LRP1B: variants seen among roughly 807,000 people sequenced by gnomAD.
The protein encoded by LRP1B is low-density lipoprotein receptor-related protein 1B.
LRP1B carries 217 observed loss-of-function variants against 556.6 expected under a neutral mutation model. The ratio of observed to expected loss-of-function variants is 0.39; its 90% CI spans 0.35 to 0.44. The LOEUF (loss-of-function observed/expected upper bound fraction) is 0.44, where lower values mean the gene tolerates loss of function less well. Ranked by LOEUF, LRP1B falls within the 20% of genes least tolerant of loss-of-function variation. LRP1B has a pLI of 1.00. For synonymous variants in LRP1B, 2,047 were observed against 1,865.8 expected (o/e 1.10, Z -2.50); for missense variants, 5,053 against 5,620.8 (o/e 0.90, Z 3.23).
chr2:140,277,511 C>G (rs1016967464), intron 84 of LRP1B, among the ~76,000 whole-genome samples: 1 of 151,878 alleles, frequency 6.6e-6, no homozygotes, highest in Non-Finnish European at 1.5e-5. Flanking sequence ...CGCTTGAACC[C>G]AGGAGGCAGA....
intron 2 of LRP1B, among the ~76,000 whole-genome samples, chr2:141,547,483 G>A (rs1454412350): frequency 6.6e-6 from 1 of 152,118 alleles, no homozygotes; most frequent in African/African-American, 2.4e-5. Flanking sequence ...CCAACCCAGT[G>A]ATGTCCTAAT....
chr2:140,273,174 C>T (rs1257892605), intron 85 of LRP1B, among the ~76,000 whole-genome samples: 3 of 151,858 alleles, frequency 2.0e-5, no homozygotes, highest in African/African-American at 7.2e-5. Context: ...CCCATGATCT[C>T]TGGGGTAAGT....
At chr2:141,225,974 C>T (rs1306325016) in intron 6 of LRP1B, among the ~76,000 whole-genome samples, 1 of 151,992 alleles carries the variant, frequency 6.6e-6, no homozygotes, top group Non-Finnish European at 1.5e-5. Flanking sequence ...ATTCGTAGAC[C>T]TAATCATTTT....
intron 43 of LRP1B, among the ~76,000 whole-genome samples, chr2:140,555,830 T>C (rs1022494192): frequency 6.6e-6 from 1 of 152,232 alleles, no homozygotes; most frequent in South Asian, 2.1e-4. Flanking sequence ...TCCAATTTAT[T>C]TTTTGCTGGC....
At chr2:141,621,980 C>T (rs1688520739) in intron 2 of LRP1B, among the ~76,000 whole-genome samples, 2 of 152,146 alleles carry the variant, frequency 1.3e-5, no homozygotes, top group South Asian at 4.1e-4. Context: ...CAACCTCTGC[C>T]TCCCAGGTTC....
Position 141,529,543 on chromosome 2 carries a change from A to G in LRP1B, c.206-49010T>C, listed in dbSNP as rs1049261899. Among the ~76,000 whole-genome samples the G allele has an allele frequency of 2.6e-5, 4 of 152,184 alleles. No individual in the cohort carries two copies. The South Asian group carries it at 6.2e-4, about 24-fold the overall frequency. The stretch of plus-strand genomic sequence containing the variant: ...CACCTTGAACAACCTTAGAAATGAG[A>G]TAATTCTTATTCTATCCTTCAGATA... On this transcript the variant is annotated intron_variant, in intron 2 of 90. Transcript: ENST00000389484.
chr2:141,419,480 C>T (rs2104960277), intron 3 of LRP1B, among the ~76,000 whole-genome samples: 1 of 152,206 alleles, frequency 6.6e-6, no homozygotes, highest in Admixed American at 6.5e-5. Context: ...TTCAGACTTT[C>T]TATTTCTTCT....
chr2:140,552,756 G>C (rs907322559), intron 43 of LRP1B, among the ~76,000 whole-genome samples: 1 of 151,950 alleles, frequency 6.6e-6, no homozygotes, highest in African/African-American at 2.4e-5. Context: ...CCTAGAAATG[G>C]GTTCATGTTT....
intron 76 of LRP1B, 84 bp downstream of exon 76, chr2:140,352,869 T>A: frequency 7.5e-7 from 1 of 1,334,836 alleles, no homozygotes; most frequent in Non-Finnish European, 1.0e-6. Context: ...AAGCTGTTGC[T>A]GGAATGAAAT....
At chr2:142,119,855 A>G (rs1367366491) in intron 1 of LRP1B, among the ~76,000 whole-genome samples, 1 of 152,140 alleles carries the variant, frequency 6.6e-6, no homozygotes, top group Non-Finnish European at 1.5e-5. Flanking sequence ...CCAAAGTTGT[A>G]CAATTGCTAG....
chr2:140,359,989 A>G (rs1430893517), intron 72 of LRP1B, among the ~76,000 whole-genome samples: 1 of 151,600 alleles, frequency 6.6e-6, no homozygotes, highest in South Asian at 2.1e-4. Flanking sequence ...TCTTCTAGCC[A>G]TCTCACCAGT....
At position 141,028,393 on chromosome 2, in the gene LRP1B, A is replaced by G. The variant is rs1231827625; in HGVS notation, c.1790-8291T>C. On this transcript the variant is annotated intron_variant, in intron 11 of 90. Transcript: ENST00000389484. The stretch of plus-strand genomic sequence containing the variant: ...AAGAATCTAAAGCTGTGCAAAAAAA[A>G]ATGAGATGTTGATTCAGAAAGACTA... 3.3e-5 allele frequency among the ~76,000 whole-genome samples: 5 copies of G among 151,900 alleles called. No individual in the cohort carries two copies. In the South Asian group the frequency reaches 6.2e-4, roughly 19 times the overall value.
chr2:141,683,287 A>T (rs1017741741), intron 2 of LRP1B, among the ~76,000 whole-genome samples: 2 of 152,164 alleles, frequency 1.3e-5, no homozygotes, highest in Non-Finnish European at 2.9e-5. Context: ...TGTTAGTAGA[A>T]ATCTGAATGT....
intron 1 of LRP1B, among the ~76,000 whole-genome samples, chr2:141,935,865 A>C (rs1185993543): frequency 6.6e-6 from 1 of 152,226 alleles, no homozygotes; most frequent in Non-Finnish European, 1.5e-5. Context: ...AAGTGGGAGG[A>C]TCACTTGAGC....
chr2:141,381,303 CAGGAGAA>C (rs1209506099), intron 3 of LRP1B, among the ~76,000 whole-genome samples: 1 of 150,084 alleles, frequency 6.7e-6, no homozygotes, highest in Non-Finnish European at 1.5e-5. Context: ...CTCGATCAAG[CAGGAGAA>C]AGGATCAGTT....
intron 86 of LRP1B, among the ~76,000 whole-genome samples, chr2:140,263,407 CTT>C (rs1682038198): frequency 6.6e-6 from 1 of 152,102 alleles, no homozygotes; most frequent in Non-Finnish European, 1.5e-5. Context: ...TAGCAAATGA[CTT>C]TTCAGCCATA....
At chr2:140,951,523 T>C (rs1202090232) in intron 19 of LRP1B, among the ~76,000 whole-genome samples, 1 of 152,196 alleles carries the variant, frequency 6.6e-6, no homozygotes, top group Non-Finnish European at 1.5e-5. Context: ...TATAAGCTTC[T>C]CCTCCTGAGG....
intron 2 of LRP1B, among the ~76,000 whole-genome samples, chr2:141,697,411 T>TGAG (rs1334050135): frequency 1.3e-5 from 2 of 151,978 alleles, no homozygotes; most frequent in East Asian, 3.9e-4. Flanking sequence ...ACTCTCCTTG[T>TGAG]TAATGTCCTG....
At chr2:141,302,575 A>C (rs1465536022) in intron 3 of LRP1B, among the ~76,000 whole-genome samples, 2 of 152,138 alleles carry the variant, frequency 1.3e-5, no homozygotes, top group Non-Finnish European at 2.9e-5. Flanking sequence ...AAAACAAAAT[A>C]ATACAAGCAA....
Sources: gnomAD v4.1 joint callset for allele counts (sites outside exome capture counted in the v4.1 genomes callset) on GRCh38, gnomAD v4.1.1 for gene constraint, MANE v1.5 for transcripts, NCBI Gene and HGNC (gene_info 2026-07-23, HGNC 2026-07-21) for gene names.